The following DCDC2 variants were observed in gnomAD, a reference collection of about 807,000 sequenced individuals.
DCDC2 encodes doublecortin domain-containing protein 2.
A neutral mutation model predicts 50.2 loss-of-function variants in DCDC2; 40 were observed. That is an observed-to-expected ratio of 0.80 (90% CI 0.62 to 1.04). The LOEUF (loss-of-function observed/expected upper bound fraction) is 1.04, where lower values mean the gene tolerates loss of function less well. DCDC2 is among the 50% of genes least tolerant of loss of function. The pLI, the probability that DCDC2 is intolerant of heterozygous loss-of-function variation, is 0.00. For missense variants in DCDC2, 570 were observed against 581.9 expected (o/e 0.98, Z 0.21); for synonymous variants, 234 against 210.6 (o/e 1.11, Z -0.96).
intron 4 of DCDC2, among the ~76,000 whole-genome samples, chr6:24,294,615 C>T (rs188485799): frequency 2.1e-3 from 319 of 152,074 alleles, no homozygotes; most frequent in African/African-American, 7.3e-3. Flanking sequence ...TCCAAATGAA[C>T]ACAATTAGGA....
intron 2 of DCDC2, among the ~76,000 whole-genome samples, chr6:24,333,681 T>C (rs1439598494): frequency 6.6e-6 from 1 of 152,202 alleles, no homozygotes; most frequent in African/African-American, 2.4e-5. Flanking sequence ...TAACAGGAAG[T>C]CACTGATGAG....
chr6:24,178,154 G>C (rs1760967720), intron 9 of DCDC2, among the ~76,000 whole-genome samples, 176 bp downstream of exon 9: 2 of 152,174 alleles, frequency 1.3e-5, no homozygotes, highest in African/African-American at 4.8e-5. Flanking sequence ...TGGCAGTATT[G>C]TTAAATGGTT....
intron 2 of DCDC2, among the ~76,000 whole-genome samples, chr6:24,314,197 G>T (rs1389919438): frequency 6.6e-6 from 1 of 152,180 alleles, no homozygotes; most frequent in African/African-American, 2.4e-5. Flanking sequence ...TATGAGCCAG[G>T]CATGGTGGCT....
At chr6:24,206,707 G>C (rs948965557) in intron 7 of DCDC2, among the ~76,000 whole-genome samples, 14 of 152,126 alleles carry the variant, frequency 9.2e-5, no homozygotes, top group African/African-American at 2.9e-4. Context: ...CATTTTACCA[G>C]AAAAGAAGAA....
intron 6 of DCDC2, 98 bp downstream of exon 6, chr6:24,288,754 A>G: frequency 1.8e-6 from 2 of 1,109,398 alleles, no homozygotes; most frequent in South Asian, 1.3e-5. Context: ...CGAAGCGGCT[A>G]AGTTTTATCT....
chr6:24,299,430 C>T (rs1203739028), intron 4 of DCDC2, among the ~76,000 whole-genome samples: 1 of 152,144 alleles, frequency 6.6e-6, no homozygotes, highest in Non-Finnish European at 1.5e-5. Flanking sequence ...CAGCATCATG[C>T]AATATACCCA....
chr6:24,358,803 A>G (rs1760540108), upstream of DCDC2, among the ~76,000 whole-genome samples: 11 of 51,714 alleles, frequency 2.1e-4, no homozygotes, highest in East Asian at 7.2e-4. Flanking sequence ...TATATTTTAT[A>G]TATTATATAT....
rs1760506630 is a variant in DCDC2 at position 24,357,797 on chromosome 6, C to A, written c.-47G>T. On this transcript the variant is annotated 5_prime_UTR_variant, in exon 1 of 10. Transcript: ENST00000378454. Reference sequence around the variant, plus strand: ...CAGCTCGCTGCTTCGCGTCGGGAGGCACCTCCGCTGTCCCAGCGGCCTCAC... The same window carrying A: ...CAGCTCGCTGCTTCGCGTCGGGAGGAACCTCCGCTGTCCCAGCGGCCTCAC... 1 of 1,611,408 alleles carries A rather than the reference C, an allele frequency of 6.2e-7. No homozygotes were observed. Among genetic ancestry groups the A allele is most frequent in the African/African-American group, 1.3e-5 (1 of 74,910 alleles).
intron 8 of DCDC2, among the ~76,000 whole-genome samples, chr6:24,196,263 T>C (rs2093573786): frequency 6.6e-6 from 1 of 151,972 alleles, no homozygotes; most frequent in African/African-American, 2.4e-5. Context: ...AGATCACTTG[T>C]CTGCCTTTAA....
At position 24,178,384 on chromosome 6, in the gene DCDC2, T is replaced by C. The variant is rs755258271; in HGVS notation, c.1272A>G (p.Gln424=). Reference sequence around the variant, plus strand: ...ACTTTCTTTCCTTGTCTAGGACCAGTTGAAGCTCATTATTAACCTGCTGCA... The same window carrying C: ...ACTTTCTTTCCTTGTCTAGGACCAGCTGAAGCTCATTATTAACCTGCTGCA... ...EELQQVNNEL[Q]LVLDKERKSQ... is the part of the protein sequence containing the mutation. The change falls in exon 9 of 10, where the codon CAA becomes CAG. Residue 424 remains glutamine (Q), a synonymous_variant. Transcript: ENST00000378454. The C allele has an allele frequency of 9.9e-6, 16 of 1,614,082 alleles. No homozygotes were observed. The highest frequency in any genetic ancestry group is 8.9e-5 in the East Asian group (4 of 44,892).
At chr6:24,380,814 C>T in the DCDC2 span, among the ~76,000 whole-genome samples, 1 of 152,214 alleles carries the variant, frequency 6.6e-6, no homozygotes, top group South Asian at 2.1e-4. Flanking sequence ...AAATTGTAGT[C>T]CGAGTGCAGT....
chr6:24,242,791 A>T (rs1762591693), intron 7 of DCDC2, among the ~76,000 whole-genome samples: 1 of 151,966 alleles, frequency 6.6e-6, no homozygotes, highest in Non-Finnish European at 1.5e-5. Context: ...ACAAAACCCC[A>T]TCTCTACTAG....
intron 2 of DCDC2, among the ~76,000 whole-genome samples, chr6:24,336,209 T>C (rs1230788462): frequency 6.6e-6 from 1 of 152,240 alleles, no homozygotes; most frequent in Non-Finnish European, 1.5e-5. Context: ...GCTGTCTTGA[T>C]TTCCTGGCTG....
intron 8 of DCDC2, among the ~76,000 whole-genome samples, chr6:24,184,092 C>T (rs1176098953): frequency 6.6e-6 from 1 of 152,218 alleles, no homozygotes; most frequent in Non-Finnish European, 1.5e-5. Context: ...ACACTTCCCA[C>T]ATCACAGGGC....
chr6:24,355,764 G>T (rs1760455957), intron 1 of DCDC2, among the ~76,000 whole-genome samples: 2 of 152,112 alleles, frequency 1.3e-5, no homozygotes, highest in African/African-American at 4.8e-5. Context: ...CACTTTCCAT[G>T]AAAAGAATGT....
At chr6:24,195,707 C>G (rs793850) in intron 8 of DCDC2, among the ~76,000 whole-genome samples, 68,283 of 151,966 alleles carry the variant, frequency 0.45, 18,695 homozygotes, top group Non-Finnish European at 0.59. Context: ...AAAAGTGGTC[C>G]CAGAAATCAC....
chr6:24,367,118 G>A, the DCDC2 span, among the ~76,000 whole-genome samples: 1 of 152,202 alleles, frequency 6.6e-6, no homozygotes, highest in African/African-American at 2.4e-5. Context: ...TTACAGCCAT[G>A]AGACACCATG....
intron 8 of DCDC2, among the ~76,000 whole-genome samples, chr6:24,186,850 A>G (rs1761214628): frequency 6.6e-6 from 1 of 152,172 alleles, no homozygotes; most frequent in Non-Finnish European, 1.5e-5. Flanking sequence ...AGTACCTCAT[A>G]AAGTGACTGT....
intron 2 of DCDC2, among the ~76,000 whole-genome samples, chr6:24,314,365 C>G (rs1561770892): frequency 1.3e-5 from 2 of 151,966 alleles, no homozygotes; most frequent in Admixed American, 1.3e-4. Flanking sequence ...CCCAGCTACT[C>G]AGGAGGCTGA....
Sources: allele counts gnomAD v4.1 joint callset (sites outside exome capture counted in the v4.1 genomes callset), GRCh38; gene constraint gnomAD v4.1.1; transcripts MANE v1.5; gene names NCBI Gene and HGNC (gene_info 2026-07-23, HGNC 2026-07-21).